The following SORCS1 variants were observed in gnomAD, a reference collection of about 807,000 sequenced individuals.
The protein encoded by SORCS1 is sortilin related VPS10 domain containing receptor 1.
A neutral mutation model predicts 146.1 loss-of-function variants in SORCS1; 60 were observed. The ratio of observed to expected loss-of-function variants is 0.41; its 90% CI spans 0.33 to 0.51. The LOEUF is 0.51. Ranked by LOEUF, SORCS1 falls within the 20% of genes least tolerant of loss-of-function variation. The probability of loss-of-function intolerance (pLI) is 0.21; values close to 1 mark genes in which losing one functional copy is unlikely to be tolerated. For synonymous variants in SORCS1, 637 were observed against 584.0 expected (o/e 1.09, Z -1.31); for missense variants, 1,352 against 1,487.6 (o/e 0.91, Z 1.50).
chr10:106,602,208 C>A (rs956888996), intron 23 of SORCS1, among the ~76,000 whole-genome samples: 21 of 152,088 alleles, frequency 1.4e-4, no homozygotes, highest in African/African-American at 5.1e-4. Context: ...CTACACTGGG[C>A]TAAAATACGA....
chr10:106,789,870 C>T (rs1034334043), intron 3 of SORCS1, among the ~76,000 whole-genome samples: 1 of 152,218 alleles, frequency 6.6e-6, no homozygotes, highest in African/African-American at 2.4e-5. Flanking sequence ...AATTGACTCA[C>T]AGTTCTGCGT....
chr10:106,958,799 C>CA (rs1445738763), intron 1 of SORCS1, among the ~76,000 whole-genome samples: 1 of 152,200 alleles, frequency 6.6e-6, no homozygotes, highest in Non-Finnish European at 1.5e-5. Flanking sequence ...AAGTCGCTCT[C>CA]AGTGCTAAAT....
At chr10:107,099,300 T>C (rs1039439279) in intron 1 of SORCS1, among the ~76,000 whole-genome samples, 6 of 152,146 alleles carry the variant, frequency 3.9e-5, no homozygotes, top group African/African-American at 1.2e-4. Flanking sequence ...GGACTCTTGA[T>C]TGAGAAGATT....
intron 3 of SORCS1, among the ~76,000 whole-genome samples, chr10:106,825,523 C>T (rs913368103): frequency 2.0e-5 from 3 of 151,982 alleles, no homozygotes; most frequent in Non-Finnish European, 4.4e-5. Flanking sequence ...CCACCCGCCT[C>T]GGCCTCCCAT....
In SORCS1 at chr10:107,137,584, C is replaced by T. The variant is rs183685533; in HGVS notation, c.558+26385G>A. On this transcript the variant is annotated intron_variant, in intron 1 of 25. Transcript: ENST00000263054. ...AGTATGCACCATTGGGAGCATGAGG[C>T]CAGGTGTGGTGGCTCCGCCTGTAAT... Among the ~76,000 whole-genome samples the T allele has an allele frequency of 1.5e-4, 23 of 152,286 alleles. 1 individual carries two copies. Among genetic ancestry groups the T allele is most frequent in the African/African-American group, 4.8e-4 (20 of 41,544 alleles).
intron 1 of SORCS1, among the ~76,000 whole-genome samples, chr10:107,038,334 A>G (rs17121941): frequency 0.12 from 17,934 of 147,890 alleles, 1,183 homozygotes; most frequent in East Asian, 0.26. Context: ...AGGAAAAGCA[A>G]GCAAGCACTT....
At chr10:106,918,801 T>C (rs192747200) in intron 2 of SORCS1, among the ~76,000 whole-genome samples, 4 of 152,288 alleles carry the variant, frequency 2.6e-5, no homozygotes, top group Non-Finnish European at 5.9e-5. Context: ...TAACTTCCTG[T>C]TGTATAATTT....
At chr10:106,802,753 C>A (rs1038133205) in intron 3 of SORCS1, among the ~76,000 whole-genome samples, 1 of 152,104 alleles carries the variant, frequency 6.6e-6, no homozygotes, top group East Asian at 1.9e-4. Context: ...CCCACCTCGG[C>A]CTCCCAAAGT....
chr10:107,013,777 T>C (rs953256057), intron 1 of SORCS1, among the ~76,000 whole-genome samples: 8 of 152,146 alleles, frequency 5.3e-5, no homozygotes, highest in Admixed American at 2.0e-4. Flanking sequence ...GACCTCCTCA[T>C]GCTACAAGGA....
intron 1 of SORCS1, among the ~76,000 whole-genome samples, chr10:107,112,230 T>C (rs1590165214): frequency 6.6e-6 from 1 of 152,050 alleles, no homozygotes; most frequent in Admixed American, 6.6e-5. Context: ...AAATGTGCTA[T>C]CAATTTTATA....
intron 1 of SORCS1, among the ~76,000 whole-genome samples, chr10:107,125,568 T>G (rs1006545624): frequency 4.6e-5 from 7 of 152,192 alleles, no homozygotes; most frequent in Non-Finnish European, 1.0e-4. Flanking sequence ...CATTTGCATA[T>G]GGGAAAAATC....
intron 2 of SORCS1, among the ~76,000 whole-genome samples, chr10:106,951,747 C>G (rs1403578887): frequency 6.6e-6 from 1 of 152,172 alleles, no homozygotes; most frequent in Non-Finnish European, 1.5e-5. Context: ...TTACTGAGCA[C>G]TAGCTATATG....
At position 107,060,670 on chromosome 10, in the gene SORCS1, C is replaced by G. The variant is rs541358777; in HGVS notation, c.558+103299G>C. ...TTTGTGATATTTGTGACCATGAGTC[C>G]CCGGCTCACGGTTTTCTCCTCTCTT... On this transcript the variant is annotated intron_variant, in intron 1 of 25. Transcript: ENST00000263054. This position sits in a 1 kb window ranked among gnomAD's most constrained non-coding sequence, Gnocchi z 4.1. Among the ~76,000 whole-genome samples, 3 of 152,132 alleles carry G rather than the reference C, an allele frequency of 2.0e-5. No homozygotes were observed. The highest frequency in any genetic ancestry group is 7.2e-5 in the African/African-American group (3 of 41,496).
intron 6 of SORCS1, among the ~76,000 whole-genome samples, chr10:106,726,831 A>G (rs1856228120): frequency 6.6e-6 from 1 of 152,094 alleles, no homozygotes; most frequent in African/African-American, 2.4e-5. Context: ...TCACGCCTAT[A>G]ATCCCAGCAC....
chr10:106,673,471 T>C (rs1851769945), intron 14 of SORCS1, among the ~76,000 whole-genome samples: 2 of 152,260 alleles, frequency 1.3e-5, no homozygotes, highest in South Asian at 4.1e-4. Flanking sequence ...AGATAGATAA[T>C]ATGAGATTCA....
intron 17 of SORCS1, among the ~76,000 whole-genome samples, chr10:106,658,242 A>C (rs1298023296): frequency 2.6e-5 from 4 of 151,876 alleles, no homozygotes; most frequent in Non-Finnish European, 4.4e-5. Context: ...TGTATACTAA[A>C]TGCCTTCTTT....
chr10:106,895,123 T>A (rs113612411), intron 2 of SORCS1, among the ~76,000 whole-genome samples: 1 of 152,164 alleles, frequency 6.6e-6, no homozygotes, highest in Non-Finnish European at 1.5e-5. Context: ...CACAGTTAGA[T>A]GATTTCCTGC....
intron 5 of SORCS1, among the ~76,000 whole-genome samples, chr10:106,732,910 A>G (rs1285338869): frequency 2.6e-5 from 4 of 151,962 alleles, no homozygotes; most frequent in African/African-American, 7.2e-5. Context: ...AATGAGGTCA[A>G]GAGATTGAGA....
intron 5 of SORCS1, among the ~76,000 whole-genome samples, chr10:106,749,238 T>C (rs1418367898): frequency 6.6e-6 from 1 of 152,190 alleles, no homozygotes; most frequent in Non-Finnish European, 1.5e-5. Flanking sequence ...AGACTCATTT[T>C]AGTTAGAGGT....
Sources: allele counts gnomAD v4.1 joint callset (sites outside exome capture counted in the v4.1 genomes callset), GRCh38; gene constraint gnomAD v4.1.1; non-coding constraint Gnocchi (gnomAD v3.1); transcripts MANE v1.5; gene names NCBI Gene and HGNC (gene_info 2026-07-23, HGNC 2026-07-21).